Variants in SFMBT1 observed in about 807,000 individuals in gnomAD.
SFMBT1 encodes the protein Scm like with four mbt domains 1.
In SFMBT1, 32 loss-of-function variants were observed where a neutral mutation model predicts 108.7. The ratio of observed to expected loss-of-function variants is 0.29; its 90% CI spans 0.22 to 0.40. The LOEUF is 0.40. Ranked by LOEUF, SFMBT1 falls within the 10% of genes least tolerant of loss-of-function variation. The pLI is 1.00. For synonymous variants in SFMBT1, 348 were observed against 369.5 expected (o/e 0.94, Z 0.67); for missense variants, 816 against 1,059.6 (o/e 0.77, Z 3.19).
intron 1 of SFMBT1, among the ~76,000 whole-genome samples, chr3:52,981,058 A>G (rs1212773700): frequency 6.6e-6 from 1 of 151,396 alleles, no homozygotes; most frequent in Non-Finnish European, 1.5e-5. Context: ...GCTACTCGTG[A>G]GGCTGAGGCA....
intron 1 of SFMBT1, among the ~76,000 whole-genome samples, chr3:52,986,058 G>C (rs967878523): frequency 6.6e-6 from 1 of 150,920 alleles, no homozygotes; most frequent in Admixed American, 6.6e-5. Flanking sequence ...CAGGAGAATT[G>C]CTTGAACCTG....
Position 52,976,951 on chromosome 3 carries a change from T to C in SFMBT1, c.-130-7693A>G, listed in dbSNP as rs563204508. ...GACATGCAGAAATGGAAGCCGTCAT[T>C]ATCAGTTCAGGAGCACAAATGGATA... On this transcript the variant is annotated intron_variant, in intron 1 of 20. Coordinates refer to ENST00000394752, the MANE Select transcript of SFMBT1 (RefSeq NM_016329.4). Among the ~76,000 whole-genome samples the C allele has an allele frequency of 3.3e-5, 5 of 152,346 alleles. No homozygotes were observed. In the East Asian group the frequency reaches 7.7e-4, roughly 23 times the overall value.
In SFMBT1 at chr3:52,999,692, C is replaced by A. The variant is rs1194068690; in HGVS notation, c.-130-30434G>T. On this transcript the variant is annotated intron_variant, in intron 1 of 20. Transcript: ENST00000394752. ...CCACATGAGTGGCCACTTGCCATGA[C>A]TCCCTGAGCAGGGTGAGCCCCCACT... 2.0e-5 allele frequency among the ~76,000 whole-genome samples: 3 copies of A among 149,848 alleles called. 1 individual carries two copies. The highest frequency in any genetic ancestry group is 4.5e-5 in the Non-Finnish European group (3 of 66,866).
Position 52,920,659 on chromosome 3 carries a change from A to G in SFMBT1, c.1259-9T>C. The G allele has an allele frequency of 2.0e-6, 3 of 1,520,512 alleles. No individual in the cohort carries two copies. Among genetic ancestry groups the G allele is most frequent in the South Asian group, 2.3e-5 (2 of 86,898 alleles). The allele number at this position is 1,520,512 out of a possible 1,614,324, so 94.2% of individuals were successfully genotyped here. On this transcript the variant is annotated splice_polypyrimidine_tract_variant and intron_variant, in intron 11 of 20. Coordinates refer to ENST00000394752, the MANE Select transcript of SFMBT1 (RefSeq NM_016329.4). The stretch of plus-strand genomic sequence containing the variant: ...TATAGGCTTCTTAGAACCTGTTTAG[A>G]TTTAAACAAACAAACAAACAAACAA...
chr3:52,987,472 G>A (rs1704964653), intron 1 of SFMBT1, among the ~76,000 whole-genome samples: 1 of 151,898 alleles, frequency 6.6e-6, no homozygotes, highest in Non-Finnish European at 1.5e-5. Context: ...TAACTGTATG[G>A]GACCACCGTC....
At chr3:52,996,206 CTTT>C (rs35167235) in intron 1 of SFMBT1, among the ~76,000 whole-genome samples, 3 of 88,124 alleles carry the variant, frequency 3.4e-5, no homozygotes, top group African/African-American at 4.6e-5. Context: ...ATAAACAATC[CTTT>C]TTTTTTTTTT....
At chr3:53,001,921 TCTCTCA>T (rs1300406680) in intron 1 of SFMBT1, among the ~76,000 whole-genome samples, 19 of 64,732 alleles carry the variant, frequency 2.9e-4, no homozygotes, top group African/African-American at 1.1e-3. Context: ...CAAGACCCAG[TCTCTCA>T]CACACACACA....
chr3:53,007,864 A>G (rs906451699), intron 1 of SFMBT1, among the ~76,000 whole-genome samples: 2 of 152,198 alleles, frequency 1.3e-5, no homozygotes, highest in Admixed American at 6.5e-5. Flanking sequence ...CATTTCTGCC[A>G]TATTTCTGCC....
intron 3 of SFMBT1, among the ~76,000 whole-genome samples, chr3:52,953,625 C>T (rs1270167263): frequency 1.3e-5 from 2 of 152,284 alleles, no homozygotes; most frequent in East Asian, 3.9e-4. Flanking sequence ...GCATGTCATA[C>T]TTATGTTCTG....
intron 1 of SFMBT1, chr3:53,045,263 G>A (rs1018673829): frequency 3.4e-5 from 5 of 148,204 alleles, no homozygotes; most frequent in Non-Finnish European, 6.0e-5. Context: ...GACCGCCCGG[G>A]CCCTCCGAAG....
intron 1 of SFMBT1, among the ~76,000 whole-genome samples, chr3:53,034,830 T>C (rs1295803089): frequency 6.6e-6 from 1 of 151,992 alleles, no homozygotes; most frequent in Non-Finnish European, 1.5e-5. Context: ...TCCCAGCTAC[T>C]TGGGAGGCTG....
At chr3:52,923,683 C>T (rs183528437) in intron 10 of SFMBT1, among the ~76,000 whole-genome samples, 91 of 151,588 alleles carry the variant, frequency 6.0e-4, no homozygotes, top group Middle Eastern at 3.4e-3. Context: ...GGAAATCTTC[C>T]AGAAAATAAA....
At chr3:53,004,208 T>TCCTTCCTCCCTCCCTCCCTC in intron 1 of SFMBT1, among the ~76,000 whole-genome samples, 1 of 147,446 alleles carries the variant, frequency 6.8e-6, no homozygotes, top group Admixed American at 7.0e-5. Flanking sequence ...CTTCTTCCCT[T>TCCTTCCTCCCTCCCTCCCTC]CCTTCCTCCC....
chr3:52,936,922 C>T (rs1703027059), intron 4 of SFMBT1, among the ~76,000 whole-genome samples: 3 of 121,172 alleles, frequency 2.5e-5, no homozygotes, highest in African/African-American at 6.4e-5. Context: ...GAGACAGAGT[C>T]TTGCTCTGTC....
At chr3:52,998,464 C>T (rs1036216126) in intron 1 of SFMBT1, among the ~76,000 whole-genome samples, 7 of 150,444 alleles carry the variant, frequency 4.7e-5, no homozygotes, top group South Asian at 4.2e-4. Flanking sequence ...AAAGTAAAGG[C>T]TGGGTGCAGC....
At position 52,937,426 on chromosome 3, in the gene SFMBT1, AC is replaced by A. The variant is rs1703047241; in HGVS notation, c.365-2526del. ...TTGATTTTTAGGAATTGCTTTCTAA[AC>A]ATTTAATTTTGCTTTCTAGTTGCAT... is the stretch of plus-strand genomic sequence containing the variant. On this transcript the variant is annotated intron_variant, in intron 4 of 20. Coordinates refer to ENST00000394752, the MANE Select transcript of SFMBT1 (RefSeq NM_016329.4). Among the ~76,000 whole-genome samples the A allele has an allele frequency of 3.3e-5, 5 of 152,298 alleles. No individual in the cohort carries two copies. In the South Asian group the frequency reaches 1.0e-3, roughly 32 times the overall value.
intron 1 of SFMBT1, among the ~76,000 whole-genome samples, chr3:52,983,748 T>A (rs1016205675): frequency 6.6e-6 from 1 of 152,148 alleles, no homozygotes; most frequent in African/African-American, 2.4e-5. Flanking sequence ...GCCACAGTGG[T>A]TGGAACAAAA....
chr3:53,029,419 G>A (rs1699607772), intron 1 of SFMBT1, among the ~76,000 whole-genome samples: 1 of 152,122 alleles, frequency 6.6e-6, no homozygotes, highest in Non-Finnish European at 1.5e-5. Flanking sequence ...TTCAACTACA[G>A]AATGCTTCAA....
At chr3:52,925,345 A>G (rs1201895376) in intron 10 of SFMBT1, among the ~76,000 whole-genome samples, 1 of 152,250 alleles carries the variant, frequency 6.6e-6, no homozygotes, top group Non-Finnish European at 1.5e-5. Flanking sequence ...GAATGTGGTA[A>G]GACAGAGAGG....
Sources: allele counts gnomAD v4.1 joint callset (sites outside exome capture counted in the v4.1 genomes callset), GRCh38; gene constraint gnomAD v4.1.1; transcripts MANE v1.5; gene names NCBI Gene and HGNC (gene_info 2026-07-23, HGNC 2026-07-21).